TRPM2: variants seen among roughly 807,000 people sequenced by gnomAD.
TRPM2 encodes the protein transient receptor potential cation channel subfamily M member 2, also known as estrogen-responsive element-associated gene 1 protein.
A neutral mutation model predicts 174.0 loss-of-function variants in TRPM2; 161 were observed. That is an observed-to-expected ratio of 0.93 (90% CI 0.81 to 1.05). TRPM2 has a LOEUF of 1.05. Ranked by LOEUF, TRPM2 falls within the 50% of genes least tolerant of loss-of-function variation. The pLI is 0.00. For synonymous variants in TRPM2, 954 were observed against 861.3 expected (o/e 1.11, Z -1.88); for missense variants, 2,057 against 2,038.0 (o/e 1.01, Z -0.18).
chr21:44,429,395 C>T (rs2050950482), intron 27 of TRPM2, among the ~76,000 whole-genome samples: 1 of 135,796 alleles, frequency 7.4e-6, no homozygotes, highest in Non-Finnish European at 1.5e-5. Context: ...TCAAGCAATT[C>T]TCCTGCCTCA....
At chr21:44,435,245 A>G in intron 28 of TRPM2, 28 bp downstream of exon 28, 1 of 1,603,500 alleles carries the variant, frequency 6.2e-7, no homozygotes, top group Non-Finnish European at 8.5e-7. Context: ...GGGCACCAGC[A>G]CCTCAGCAAG....
chr21:44,370,001 T>C (rs146821455), intron 5 of TRPM2, among the ~76,000 whole-genome samples: 1,457 of 114,332 alleles, frequency 0.013, 46 homozygotes, highest in African/African-American at 0.046. Flanking sequence ...CCGGGTGCTG[T>C]GAGGAGCAGG....
rs367649374 is a variant in TRPM2, at chr21:44,386,904, A to G, written c.1319-4000A>G. Among the ~76,000 whole-genome samples the G allele has an allele frequency of 3.3e-5, 5 of 152,276 alleles. No homozygotes were observed. The South Asian group carries it at 6.2e-4, about 19-fold the overall frequency. On this transcript the variant is annotated intron_variant, in intron 9 of 31. Transcript: ENST00000397928. ...GTGGTAATGGTGTAAAGAAAGACAT[A>G]GAGGGCTGGGTGTGGTGGCTCATGC...
chr21:44,413,749 A>G, intron 19 of TRPM2, 142 bp from the exon 20 acceptor site: 1 of 956,740 alleles, frequency 1.0e-6, no homozygotes, highest in Non-Finnish European at 1.6e-6. Flanking sequence ...CCCAGAGGTG[A>G]CAGCTGAGGT....
rs2051298895 is a variant in TRPM2, at chr21:44,437,089, C to T, written c.4089C>T (p.Ile1363=). 5 of 1,551,170 alleles carry T rather than the reference C, an allele frequency of 3.2e-6. No individual in the cohort carries two copies. The East Asian group carries it at 1.2e-4, about 38-fold the overall frequency. The change falls in exon 29 of 32, where the codon ATC becomes ATT. Residue 1363 remains isoleucine (I), a synonymous_variant. Coordinates refer to ENST00000397928, the MANE Select transcript of TRPM2 (RefSeq NM_003307.4). The part of the protein sequence containing the change: ...TRWRRNEDGA[I]CRKSIKKMLE... ...GGAGGCGGAACGAGGATGGAGCCAT[C>T]TGCAGGAAGAGCATAAAGAAGATGC...
intron 28 of TRPM2, among the ~76,000 whole-genome samples, chr21:44,436,539 C>T (rs1262801423): frequency 7.0e-6 from 1 of 143,392 alleles, no homozygotes. Flanking sequence ...CCCCATGTGA[C>T]CCCCAGGTGG....
chr21:44,441,052 C>T (rs983292536), intron 31 of TRPM2, 147 bp downstream of exon 31: 24 of 692,750 alleles, frequency 3.5e-5, no homozygotes, highest in Admixed American at 8.8e-5. Flanking sequence ...AGAGGGAAGG[C>T]GGGGACCGGG....
Position 44,378,979 on chromosome 21 carries a change from C to G in TRPM2, c.1015-18C>G, listed in dbSNP as rs759317017. The G allele has an allele frequency of 1.4e-4, 221 of 1,599,234 alleles. No homozygotes were observed. The highest frequency in any genetic ancestry group is 1.8e-4 in the Non-Finnish European group (207 of 1,177,874). ...GTGAGGACCCAGTCCCGGGCTCACA[C>G]CCCCACCTGCCTTGCAGACCATCGA... On this transcript the variant is annotated intron_variant, in intron 7 of 31. Coordinates refer to ENST00000397928, the MANE Select transcript of TRPM2 (RefSeq NM_003307.4).
At chr21:44,369,035 TG>T in intron 4 of TRPM2, 141 bp from the exon 5 acceptor site, 1 of 914,154 alleles carries the variant, frequency 1.1e-6, no homozygotes, top group Non-Finnish European at 1.6e-6. Context: ...CACCTGATGC[TG>T]GTTTGAAAGC....
intron 16 of TRPM2, among the ~76,000 whole-genome samples, chr21:44,402,481 A>T (rs1454340580): frequency 1.3e-5 from 2 of 152,076 alleles, no homozygotes; most frequent in African/African-American, 4.8e-5. Context: ...GTCCCCAGAG[A>T]GGCTCGCGGG....
intron 19 of TRPM2, among the ~76,000 whole-genome samples, chr21:44,410,351 GTAGCCTTGTAGTAAGTTTTGACCACA>G: frequency 2.4e-5 from 2 of 82,876 alleles, no homozygotes; most frequent in African/African-American, 8.4e-5. Context: ...CTTGGTTGGT[GTAGCCTTGTAGTAAGTTTTGACCACA>G]CTGTCTTGGT....
upstream of TRPM2, among the ~76,000 whole-genome samples, chr21:44,352,463 T>C (rs1480879181): frequency 6.6e-6 from 1 of 152,152 alleles, no homozygotes; most frequent in Non-Finnish European, 1.5e-5. Flanking sequence ...CCTAATGTGA[T>C]GAGGGGACGG....
intron 9 of TRPM2, among the ~76,000 whole-genome samples, chr21:44,384,609 C>T (rs2048970398): frequency 6.6e-6 from 1 of 152,172 alleles, no homozygotes; most frequent in Non-Finnish European, 1.5e-5. Context: ...AATGGATCAC[C>T]TCTATTAGGC....
chr21:44,382,851 G>C, intron 9 of TRPM2, 31 bp downstream of exon 9: 1 of 1,589,020 alleles, frequency 6.3e-7, no homozygotes. Flanking sequence ...GGGCAATGGG[G>C]TGGAGGCCAG....
At chr21:44,400,038 C>T (rs1049110407) in intron 14 of TRPM2, among the ~76,000 whole-genome samples, 7 of 152,144 alleles carry the variant, frequency 4.6e-5, no homozygotes, top group Non-Finnish European at 8.8e-5. Flanking sequence ...GCGGGGCCTT[C>T]GAAGCCAGCA....
rs545744074 is a variant in TRPM2 at position 44,423,707 on chromosome 21, A to G, written c.3524A>G (p.Gln1175Arg). ...CTGAAGAGGTCGGGCTCCATGGAGCAGAGGTTGGCCTCCCTGGAGGAGCAG... is the reference window on the plus strand; with the variant it reads ...CTGAAGAGGTCGGGCTCCATGGAGCGGAGGTTGGCCTCCCTGGAGGAGCAG... Reference protein sequence around the residue: ...DPLKRSGSMEQRLASLEEQVA... With the variant: ...DPLKRSGSMERRLASLEEQVA... The change falls in exon 23 of 32, where the codon CAG (glutamine) becomes CGG (arginine). Residue 1175 changes from glutamine (Q) to arginine (R), a missense_variant. By Grantham distance (43) the Gln-to-Arg change is conservative. Transcript: ENST00000397928. 8.7e-6 allele frequency: 14 copies of G among 1,611,192 alleles called. No homozygotes were observed. Among genetic ancestry groups the G allele is most frequent in the African/African-American group, 5.3e-5 (4 of 75,032 alleles).
At chr21:44,359,430 G>A (rs944964545) in intron 2 of TRPM2, among the ~76,000 whole-genome samples, 1 of 151,732 alleles carries the variant, frequency 6.6e-6, no homozygotes, top group African/African-American at 2.4e-5. Flanking sequence ...GTGCACATCC[G>A]GGAGGAATTA....
chr21:44,391,165 T>A lies in TRPM2; in HGVS notation c.1441-107T>A, dbSNP rs2049161496. On this transcript the variant is annotated intron_variant, in intron 10 of 31. Coordinates refer to ENST00000397928, the MANE Select transcript of TRPM2 (RefSeq NM_003307.4). This position sits in a 1 kb window ranked among gnomAD's most constrained non-coding sequence, Gnocchi z 5.0. ...TGGGTGACCTGGGCAGCTTTCATCC[T>A]CCCCAGGTTGGGGACAACAGCAGCC... The A allele has an allele frequency of 1.3e-6, 2 of 1,540,586 alleles. No homozygotes were observed. The highest frequency in any genetic ancestry group is 1.8e-6 in the Non-Finnish European group (2 of 1,133,560).
At chr21:44,433,532 C>T (rs1277315642) in intron 27 of TRPM2, among the ~76,000 whole-genome samples, 3 of 152,118 alleles carry the variant, frequency 2.0e-5, no homozygotes, top group South Asian at 2.1e-4. Flanking sequence ...GCGGGGTGGA[C>T]GGGAGTGAGA....
Sources: gnomAD v4.1 joint callset for allele counts (sites outside exome capture counted in the v4.1 genomes callset) on GRCh38, gnomAD v4.1.1 for gene constraint, Gnocchi (gnomAD v3.1) non-coding constraint, MANE v1.5 for transcripts, NCBI Gene and HGNC (gene_info 2026-07-23, HGNC 2026-07-21) for gene names.